KHDRBS2: variants seen among roughly 807,000 people sequenced by gnomAD.
The protein encoded by KHDRBS2 is KH RNA binding domain containing, signal transduction associated 2.
A neutral mutation model predicts 44.3 loss-of-function variants in KHDRBS2; 26 were observed. The ratio of observed to expected loss-of-function variants is 0.59; its 90% confidence interval spans 0.43 to 0.81. The LOEUF is 0.81. Ranked by LOEUF, KHDRBS2 falls within the 40% of genes least tolerant of loss-of-function variation. The probability of loss-of-function intolerance (pLI) is 0.00; values close to 1 mark genes in which losing one functional copy is unlikely to be tolerated. For synonymous variants in KHDRBS2, 194 were observed against 151.1 expected (o/e 1.28, Z -2.08); for missense variants, 476 against 433.1 (o/e 1.10, Z -0.88).
chr6:61,568,098 TCC>T, the KHDRBS2 span, among the ~76,000 whole-genome samples: 1 of 152,206 alleles, frequency 6.6e-6, no homozygotes, highest in African/African-American at 2.4e-5. Context: ...GAATAAAGTG[TCC>T]TCTCTTCAGT....
At chr6:62,118,948 C>A (rs572855563) in intron 2 of KHDRBS2, among the ~76,000 whole-genome samples, 1 of 152,112 alleles carries the variant, frequency 6.6e-6, no homozygotes, top group Admixed American at 6.5e-5. Flanking sequence ...GGGAATTTCA[C>A]CTTGTGGTCA....
chr6:61,843,076 G>C (rs1793833356), intron 6 of KHDRBS2, among the ~76,000 whole-genome samples: 1 of 151,892 alleles, frequency 6.6e-6, no homozygotes, highest in South Asian at 2.1e-4. Context: ...AAAGAAGCCA[G>C]ATACAGAGCC....
At chr6:61,988,623 C>T (rs537516604) in intron 3 of KHDRBS2, among the ~76,000 whole-genome samples, 9 of 152,236 alleles carry the variant, frequency 5.9e-5, no homozygotes, top group African/African-American at 2.2e-4. Context: ...AGAGGAAGTG[C>T]ATGTAAGTGT....
At chr6:62,020,259 G>A (rs191853825) in intron 3 of KHDRBS2, among the ~76,000 whole-genome samples, 85 of 151,956 alleles carry the variant, frequency 5.6e-4, no homozygotes, top group African/African-American at 2.0e-3. Context: ...ATTTTCCAGA[G>A]GTAACATATT....
intron 6 of KHDRBS2, among the ~76,000 whole-genome samples, chr6:61,846,903 GAAA>G (rs969888555): frequency 6.6e-6 from 1 of 151,526 alleles, no homozygotes; most frequent in Non-Finnish European, 1.5e-5. Context: ...ATAACTTTTA[GAAA>G]AAAAGATGCT....
At chr6:61,888,561 CTTTTTT>C (rs139822708) in intron 6 of KHDRBS2, among the ~76,000 whole-genome samples, 2 of 110,972 alleles carry the variant, frequency 1.8e-5, no homozygotes, top group Admixed American at 9.2e-5. Flanking sequence ...TTTCTAATTC[CTTTTTT>C]TTTTTTTTTT....
intron 7 of KHDRBS2, among the ~76,000 whole-genome samples, chr6:61,718,047 C>G (rs577839828): frequency 6.6e-6 from 1 of 151,862 alleles, no homozygotes; most frequent in African/African-American, 2.4e-5. Flanking sequence ...TAAATTTTCT[C>G]TATATAAAAT....
At chr6:61,684,818 A>T (rs538572252) in intron 8 of KHDRBS2, among the ~76,000 whole-genome samples, 7 of 151,830 alleles carry the variant, frequency 4.6e-5, no homozygotes, top group Non-Finnish European at 7.4e-5. Context: ...TGAGAAACAG[A>T]AGTTAAGTGA....
chr6:61,700,474 A>G (rs1768474209), intron 7 of KHDRBS2, among the ~76,000 whole-genome samples: 5 of 150,866 alleles, frequency 3.3e-5, no homozygotes. Flanking sequence ...GATGTATAAT[A>G]ATCAAAATGG....
the KHDRBS2 span, among the ~76,000 whole-genome samples, chr6:61,556,626 A>G: frequency 6.6e-6 from 1 of 152,170 alleles, no homozygotes; most frequent in South Asian, 2.1e-4. Flanking sequence ...AATTCAGCTT[A>G]CAGCATGGTG....
intron 6 of KHDRBS2, among the ~76,000 whole-genome samples, chr6:61,886,446 A>T (rs1488375077): frequency 6.6e-6 from 1 of 150,906 alleles, no homozygotes; most frequent in African/African-American, 2.4e-5. Flanking sequence ...CGTTTTTCTT[A>T]CCCTCTTAGA....
At chr6:62,124,829 A>T (rs1477507405) in intron 2 of KHDRBS2, among the ~76,000 whole-genome samples, 1 of 152,146 alleles carries the variant, frequency 6.6e-6, no homozygotes, top group Non-Finnish European at 1.5e-5. Context: ...TCTTCCATAG[A>T]GGTTGTACAA....
At chr6:62,052,508 G>A (rs1381387909) in intron 2 of KHDRBS2, among the ~76,000 whole-genome samples, 2 of 151,084 alleles carry the variant, frequency 1.3e-5, no homozygotes, top group African/African-American at 4.9e-5. Context: ...GAGATATGTA[G>A]GATGAACAAG....
At chr6:62,108,069 G>T (rs1469102781) in intron 2 of KHDRBS2, among the ~76,000 whole-genome samples, 2 of 152,122 alleles carry the variant, frequency 1.3e-5, no homozygotes, top group Non-Finnish European at 2.9e-5. Context: ...AAAAGCAATG[G>T]CAACAAAAGG....
intron 1 of KHDRBS2, among the ~76,000 whole-genome samples, chr6:62,273,280 G>C (rs1007800149): frequency 1.3e-5 from 2 of 152,078 alleles, no homozygotes; most frequent in African/African-American, 4.8e-5. Flanking sequence ...AAGTTCTTCA[G>C]TGAGTTCTCC....
At chr6:62,058,878 A>G (rs912795626) in intron 2 of KHDRBS2, among the ~76,000 whole-genome samples, 4 of 151,918 alleles carry the variant, frequency 2.6e-5, no homozygotes, top group Non-Finnish European at 5.9e-5. Context: ...TAATATCAAT[A>G]TATTACCACA....
At chr6:62,028,435 G>C (rs1165910755) in intron 3 of KHDRBS2, among the ~76,000 whole-genome samples, 3 of 151,932 alleles carry the variant, frequency 2.0e-5, no homozygotes, top group African/African-American at 7.3e-5. Context: ...TATGTATTTT[G>C]GCAGATTTAA....
intron 6 of KHDRBS2, among the ~76,000 whole-genome samples, chr6:61,822,734 G>A (rs745381565): frequency 3.0e-4 from 45 of 152,028 alleles, no homozygotes; most frequent in East Asian, 3.9e-4. Flanking sequence ...TGTCAGCAAT[G>A]TAGTCTTACA....
At chr6:61,647,986 A>C in the KHDRBS2 span, among the ~76,000 whole-genome samples, 1 of 152,092 alleles carries the variant, frequency 6.6e-6, no homozygotes, top group Admixed American at 6.6e-5. Flanking sequence ...GCTTGGACCA[A>C]CCTTGCTCCC....
Sources: allele counts gnomAD v4.1 joint callset (sites outside exome capture counted in the v4.1 genomes callset), GRCh38; gene constraint gnomAD v4.1.1; transcripts MANE v1.5; gene names NCBI Gene and HGNC (gene_info 2026-07-23, HGNC 2026-07-21).